ARHGAP28: variants seen among roughly 807,000 people sequenced by gnomAD.
The protein encoded by ARHGAP28 is Rho GTPase activating protein 28, also known as rho GTPase-activating protein 28.
A neutral mutation model predicts 90.7 loss-of-function variants in ARHGAP28; 56 were observed. The ratio of observed to expected loss-of-function variants is 0.62; its 90% CI spans 0.50 to 0.77. The LOEUF (loss-of-function observed/expected upper bound fraction) is 0.77. Ranked by LOEUF, ARHGAP28 falls within the 30% of genes least tolerant of loss-of-function variation. The pLI is 0.00. For missense variants in ARHGAP28, 869 were observed against 900.9 expected (o/e 0.96, Z 0.45); for synonymous variants, 308 against 323.3 (o/e 0.95, Z 0.51).
intron 14 of ARHGAP28, 63 bp downstream of exon 14, chr18:6,890,606 G>T: frequency 1.1e-6 from 1 of 949,912 alleles, no homozygotes; most frequent in Non-Finnish European, 1.6e-6. Context: ...TCAAAGGGGG[G>T]CACAAAGTAG....
chr18:6,851,621 G>C (rs545422435), intron 4 of ARHGAP28, among the ~76,000 whole-genome samples: 1 of 152,228 alleles, frequency 6.6e-6, no homozygotes, highest in East Asian at 1.9e-4. Flanking sequence ...AGCTTTATTT[G>C]TAATAGCCCC....
rs4798505 is a variant in ARHGAP28, at chr18:6,862,027, A to C, written c.726+2130A>C. On this transcript the variant is annotated intron_variant, in intron 5 of 17. Coordinates refer to ENST00000383472, the MANE Select transcript of ARHGAP28 (RefSeq NM_001366230.1). ...AAAAGTTTCAGCAGTATTGGGTCTA[A>C]AAAATATCTCACTGGCACTGGCCTT... 0.021 allele frequency among the ~76,000 whole-genome samples: 3,208 copies of C among 152,264 alleles called. 247 individuals carry two copies. The East Asian group carries it at 0.28, about 13-fold the overall frequency.
intron 2 of ARHGAP28, among the ~76,000 whole-genome samples, chr18:6,831,949 G>A (rs1246654996): frequency 6.6e-6 from 1 of 151,976 alleles, no homozygotes; most frequent in Non-Finnish European, 1.5e-5. Context: ...TATATAATGT[G>A]CTTTTCTAGT....
chr18:6,827,579 C>T (rs2056679287), intron 2 of ARHGAP28, among the ~76,000 whole-genome samples: 1 of 135,886 alleles, frequency 7.4e-6, no homozygotes, highest in East Asian at 2.4e-4. Flanking sequence ...GGGCGACTGG[C>T]TGGGTGGGGG....
rs191148873 is a variant in ARHGAP28 at position 6,910,212 on chromosome 18, G to A, written c.2095+1188G>A. ...ACTTTCTTCACCTGACTTCAAGGAT[G>A]CCCTAAGCTTCTGACTGTCTTCCCA... On this transcript the variant is annotated intron_variant, in intron 17 of 17. Transcript: ENST00000383472. 5.5e-4 allele frequency among the ~76,000 whole-genome samples: 83 copies of A among 152,276 alleles called. 1 individual carries two copies. In the East Asian group the frequency reaches 0.015, roughly 27 times the overall value.
At chr18:6,792,211 G>A (rs77045585) in intron 1 of ARHGAP28, among the ~76,000 whole-genome samples, 3,110 of 152,208 alleles carry the variant, frequency 0.02, 104 homozygotes, top group African/African-American at 0.071. Context: ...AACTGATGGA[G>A]GTGTATGTGT....
Position 6,915,428 on chromosome 18 carries a change from C to T in ARHGAP28, c.*3274C>T, listed in dbSNP as rs866202558. The stretch of plus-strand genomic sequence containing the variant: ...CTGACAGGCAGTTTTTAACTGTTTT[C>T]CACAAATAAAAATAATATGTCATGG... On this transcript the variant is annotated 3_prime_UTR_variant, in exon 18 of 18. Coordinates refer to ENST00000383472, the MANE Select transcript of ARHGAP28 (RefSeq NM_001366230.1). The T allele has an allele frequency of 7.2e-5, 11 of 152,222 alleles. 1 individual carries two copies. In the Middle Eastern group the frequency reaches 0.01, roughly 141 times the overall value. 9.4% of individuals were successfully genotyped at this position (152,222 alleles called of 1,614,324 possible).
chr18:6,770,553 C>A (rs1229397949), intron 1 of ARHGAP28, among the ~76,000 whole-genome samples: 1 of 152,138 alleles, frequency 6.6e-6, no homozygotes, highest in African/African-American at 2.4e-5. Flanking sequence ...CAAACATGCT[C>A]GTCACAGGCA....
intron 1 of ARHGAP28, among the ~76,000 whole-genome samples, chr18:6,771,974 T>C (rs1021507579): frequency 6.6e-6 from 1 of 152,212 alleles, no homozygotes; most frequent in African/African-American, 2.4e-5. Flanking sequence ...ATTCTATGCA[T>C]GTAACAAAAT....
At chr18:6,816,665 G>A (rs372517779) in intron 1 of ARHGAP28, among the ~76,000 whole-genome samples, 5 of 152,304 alleles carry the variant, frequency 3.3e-5, no homozygotes, top group East Asian at 1.9e-4. Context: ...TGAGAGCAAC[G>A]TGAAGATATT....
At chr18:6,864,521 A>G (rs1271906345) in intron 5 of ARHGAP28, among the ~76,000 whole-genome samples, 2 of 152,228 alleles carry the variant, frequency 1.3e-5, no homozygotes, top group African/African-American at 4.8e-5. Context: ...ACACATATAC[A>G]TGCATACACA....
chr18:6,841,108 G>T (rs2056804543), intron 3 of ARHGAP28, among the ~76,000 whole-genome samples: 1 of 128,156 alleles, frequency 7.8e-6, no homozygotes, highest in Admixed American at 8.0e-5. Context: ...TGTGTCTCTG[G>T]GGTCCTTCTC....
At chr18:6,747,469 G>T (rs951448159) in intron 1 of ARHGAP28, among the ~76,000 whole-genome samples, 2 of 152,220 alleles carry the variant, frequency 1.3e-5, no homozygotes, top group African/African-American at 4.8e-5. Flanking sequence ...CAGACCAGTT[G>T]TCAAAGAGAT....
intron 1 of ARHGAP28, among the ~76,000 whole-genome samples, chr18:6,782,592 ATTTTTTTTTTTTTTTTTTTTTTTTTT>A (rs10602816): frequency 7.5e-5 from 2 of 26,674 alleles, no homozygotes; most frequent in African/African-American, 2.0e-4. Context: ...TAATTTTTGT[ATTTTTTTTTTTTTTTTTTTTTTTTTT>A]TTTTTTTTTT....
chr18:6,817,288 C>T (rs1217641903), intron 1 of ARHGAP28, among the ~76,000 whole-genome samples: 5 of 151,730 alleles, frequency 3.3e-5, no homozygotes, highest in African/African-American at 1.2e-4. Flanking sequence ...CACTGCACTC[C>T]AGCCTGAGCT....
chr18:6,854,539 T>C (rs940677557), intron 4 of ARHGAP28, among the ~76,000 whole-genome samples: 11 of 152,208 alleles, frequency 7.2e-5, no homozygotes, highest in Non-Finnish European at 1.6e-4. Context: ...AGAGCACATA[T>C]TGGATGCTTT....
At chr18:6,891,053 C>T (rs375411817) in intron 14 of ARHGAP28, among the ~76,000 whole-genome samples, 196 of 152,338 alleles carry the variant, frequency 1.3e-3, no homozygotes, top group African/African-American at 4.5e-3. Context: ...GAAGAATTAA[C>T]TTTACTGCTT....
intron 1 of ARHGAP28, among the ~76,000 whole-genome samples, chr18:6,757,387 A>G (rs2056120229): frequency 6.6e-6 from 1 of 152,188 alleles, no homozygotes; most frequent in Non-Finnish European, 1.5e-5. Context: ...CTCTAGAAAG[A>G]TGGGTCAGAG....
At chr18:6,858,600 A>G (rs901632423) in intron 4 of ARHGAP28, among the ~76,000 whole-genome samples, 5 of 151,756 alleles carry the variant, frequency 3.3e-5, no homozygotes, top group African/African-American at 7.3e-5. Flanking sequence ...TTGGAGCGCA[A>G]TGGCACAATC....
Sources: allele counts gnomAD v4.1 joint callset (sites outside exome capture counted in the v4.1 genomes callset), GRCh38; gene constraint gnomAD v4.1.1; transcripts MANE v1.5; gene names NCBI Gene and HGNC (gene_info 2026-07-23, HGNC 2026-07-21).